Variants in COLGALT2 observed in about 807,000 individuals in gnomAD.
COLGALT2 encodes the protein collagen beta(1-O)galactosyltransferase 2, also known as procollagen galactosyltransferase 2.
A neutral mutation model predicts 73.4 loss-of-function variants in COLGALT2; 49 were observed. The observed-to-expected ratio is 0.67, with a 90% CI of 0.53 to 0.85. The LOEUF (loss-of-function observed/expected upper bound fraction) is 0.85. COLGALT2 is among the 40% of genes least tolerant of loss of function. COLGALT2 has a pLI of 0.00. For missense variants in COLGALT2, 722 were observed against 790.2 expected (o/e 0.91, Z 1.03); for synonymous variants, 295 against 307.6 (o/e 0.96, Z 0.43).
At chr1:184,036,925 C>T (rs1476281011) in intron 1 of COLGALT2, among the ~76,000 whole-genome samples, 170 bp downstream of exon 1, 1 of 152,178 alleles carries the variant, frequency 6.6e-6, no homozygotes, top group East Asian at 1.9e-4. Context: ...CCGCCCGATC[C>T]GCCAGCCACC....
At chr1:183,994,026 C>CTTTTTTTTTTTTT in intron 1 of COLGALT2, among the ~76,000 whole-genome samples, 1 of 70,028 alleles carries the variant, frequency 1.4e-5, no homozygotes, top group Admixed American at 1.9e-4. Flanking sequence ...TCTTGTAATT[C>CTTTTTTTTTTTTT]TTTTTTTTTT....
chr1:183,949,624 T>C (rs1408172796), intron 8 of COLGALT2, among the ~76,000 whole-genome samples: 1 of 152,184 alleles, frequency 6.6e-6, no homozygotes, highest in Non-Finnish European at 1.5e-5. Context: ...ACTGTAGAAC[T>C]CTCAGAAGAA....
At chr1:183,954,153 G>C (rs1420717568) in intron 7 of COLGALT2, among the ~76,000 whole-genome samples, 1 of 152,150 alleles carries the variant, frequency 6.6e-6, no homozygotes, top group Non-Finnish European at 1.5e-5. Context: ...TTACCAGGAG[G>C]GGAACCTCTT....
chr1:183,938,290 G>T lies in COLGALT2; in HGVS notation c.*471C>A. ...ATAAATATGATTTTAAGTGATTCCT[G>T]TCCCCCAAAAGTTGCACACACAAGT... On this transcript the variant is annotated 3_prime_UTR_variant, in exon 12 of 12. Coordinates refer to ENST00000361927, the MANE Select transcript of COLGALT2 (RefSeq NM_015101.4). The T allele has an allele frequency of 1.0e-6, 1 of 959,868 alleles. No homozygotes were observed. 59.5% of individuals were successfully genotyped at this position (959,868 alleles called of 1,614,324 possible). A position where few individuals can be genotyped will look rare whatever the true frequency, so the allele number is the denominator to read the frequency against.
intron 2 of COLGALT2, among the ~76,000 whole-genome samples, chr1:183,977,812 A>AGAGAGAGAG (rs1553317022): frequency 1.9e-5 from 1 of 52,324 alleles, no homozygotes; most frequent in Non-Finnish European, 8.1e-5. Context: ...GAAAGAGAGA[A>AGAGAGAGAG]AGAGAGAGAG....
chr1:183,972,765 C>G (rs546740300), intron 4 of COLGALT2, among the ~76,000 whole-genome samples: 1 of 151,740 alleles, frequency 6.6e-6, no homozygotes, highest in African/African-American at 2.4e-5. Context: ...AGTGGCGCGA[C>G]CTCGGCTCAC....
chr1:183,996,282 A>T (rs1211187158), intron 1 of COLGALT2, among the ~76,000 whole-genome samples: 1 of 152,200 alleles, frequency 6.6e-6, no homozygotes, highest in Non-Finnish European at 1.5e-5. Context: ...AACAGAAGAA[A>T]ATCTATATGA....
Position 183,935,915 on chromosome 1 carries a change from C to T in COLGALT2, c.*2846G>A, listed in dbSNP as rs1337139371. The T allele has an allele frequency of 7.1e-6, 7 of 985,300 alleles. No individual in the cohort carries two copies. Among genetic ancestry groups the T allele is most frequent in the African/African-American group, 1.7e-5 (1 of 57,218 alleles). 61.0% of individuals were successfully genotyped at this position (985,300 alleles called of 1,614,324 possible). ...ATCACTTCCCCACTCTGAAATAGCA[C>T]GCAAGACAGATGATGCAGGGGAACG... On this transcript the variant is annotated 3_prime_UTR_variant, in exon 12 of 12. Transcript: ENST00000361927.
chr1:183,967,380 C>T (rs1224232052), intron 5 of COLGALT2, among the ~76,000 whole-genome samples: 1 of 152,220 alleles, frequency 6.6e-6, no homozygotes, highest in Non-Finnish European at 1.5e-5. Context: ...CTCTCTCTTT[C>T]CTTTTCTATC....
At chr1:183,960,500 G>GT (rs1304156406) in intron 6 of COLGALT2, among the ~76,000 whole-genome samples, 3 of 152,110 alleles carry the variant, frequency 2.0e-5, no homozygotes, top group Admixed American at 6.5e-5. Context: ...TGTTGTTAGT[G>GT]TTTTTTTAAC....
At chr1:183,951,409 T>G (rs1488839766) in intron 7 of COLGALT2, among the ~76,000 whole-genome samples, 1 of 152,188 alleles carries the variant, frequency 6.6e-6, no homozygotes, top group African/African-American at 2.4e-5. Flanking sequence ...AAACTACTCT[T>G]TAAGAGGTCA....
rs1670033264 is a variant in COLGALT2, at chr1:183,938,812, G to A, written c.1830C>T (p.Ala610=). The change falls in exon 12 of 12, where the codon GCC becomes GCT. Residue 610 remains alanine (A), a synonymous_variant. Coordinates refer to ENST00000361927, the MANE Select transcript of COLGALT2 (RefSeq NM_015101.4). ...RIYSNAKNTE[A]LPPPTSLDTV... ...TGTCCAGGGAGGTTGGCGGTGGCAG[G>A]GCCTCTGTGTTCTTGGCATTGCTGT... is the stretch of plus-strand genomic sequence containing the variant. 1.9e-6 allele frequency: 3 copies of A among 1,614,034 alleles called. No homozygotes were observed. The African/African-American group carries it at 4.0e-5, about 22-fold the overall frequency.
At chr1:184,003,970 C>T (rs1382524018) in intron 1 of COLGALT2, among the ~76,000 whole-genome samples, 5 of 152,118 alleles carry the variant, frequency 3.3e-5, no homozygotes, top group Non-Finnish European at 7.3e-5. Flanking sequence ...ATCATACTCC[C>T]ACAACTATAG....
At chr1:183,934,743 C>A (rs762993250), downstream of COLGALT2, among the ~76,000 whole-genome samples, 7 of 152,100 alleles carry the variant, frequency 4.6e-5, no homozygotes, top group Non-Finnish European at 8.8e-5. Flanking sequence ...TAGTTACTAG[C>A]GGGAGGGATT....
intron 1 of COLGALT2, among the ~76,000 whole-genome samples, chr1:184,013,957 G>A (rs549195678): frequency 3.3e-5 from 5 of 152,158 alleles, no homozygotes; most frequent in Non-Finnish European, 7.3e-5. Context: ...GCATGGCGGT[G>A]GGAATATAGG....
intron 1 of COLGALT2, among the ~76,000 whole-genome samples, chr1:184,001,525 A>G (rs75018343): frequency 8.7e-4 from 133 of 152,094 alleles, no homozygotes; most frequent in Non-Finnish European, 1.3e-3. Flanking sequence ...CATAGTTTCC[A>G]TCTTTTTGAC....
chr1:183,938,015 T>C lies in COLGALT2; in HGVS notation c.*746A>G, dbSNP rs916037036. On this transcript the variant is annotated 3_prime_UTR_variant, in exon 12 of 12. Coordinates refer to ENST00000361927, the MANE Select transcript of COLGALT2 (RefSeq NM_015101.4). ...AGCATCCTGACTCGAGTGGCCATAA[T>C]AAAAAAGCCAAACATTGAGTTTTTT... The C allele has an allele frequency of 2.0e-6, 2 of 985,300 alleles. No individual in the cohort carries two copies. The highest frequency in any genetic ancestry group is 2.4e-6 in the Non-Finnish European group (2 of 829,952). 61.0% of individuals were successfully genotyped at this position (985,300 alleles called of 1,614,324 possible). A position where few individuals can be genotyped will look rare whatever the true frequency, so the allele number is the denominator to read the frequency against.
chr1:183,963,199 A>G (rs1670764088), intron 6 of COLGALT2, among the ~76,000 whole-genome samples: 1 of 152,234 alleles, frequency 6.6e-6, no homozygotes, highest in Non-Finnish European at 1.5e-5. Flanking sequence ...GTTTAAGGAC[A>G]TGAACTTTGG....
intron 6 of COLGALT2, among the ~76,000 whole-genome samples, chr1:183,960,153 T>C (rs1283511252): frequency 6.6e-6 from 1 of 152,140 alleles, no homozygotes; most frequent in South Asian, 2.1e-4. Context: ...AACACCTTCA[T>C]TGGCTCCTTA....
Sources: allele counts gnomAD v4.1 joint callset (sites outside exome capture counted in the v4.1 genomes callset), GRCh38; gene constraint gnomAD v4.1.1; transcripts MANE v1.5; gene names NCBI Gene and HGNC (gene_info 2026-07-23, HGNC 2026-07-21).